GSDME: variants seen among roughly 807,000 people sequenced by gnomAD.
GSDME encodes the protein gasdermin-E.
GSDME carries 44 observed loss-of-function variants against 47.5 expected under a neutral mutation model. That is an observed-to-expected ratio of 0.93 (90% CI 0.73 to 1.19). The LOEUF is 1.19. Among genes scored for constraint, GSDME ranks in the 50% most tolerant of loss-of-function variants. The pLI is 0.00. For synonymous variants in GSDME, 258 were observed against 252.8 expected (o/e 1.02, Z -0.20); for missense variants, 663 against 604.2 (o/e 1.10, Z -1.02).
chr7:24,791,523 C>T, the GSDME span, among the ~76,000 whole-genome samples: 3 of 152,204 alleles, frequency 2.0e-5, no homozygotes, highest in African/African-American at 7.2e-5. This position sits in a 1 kb window ranked among gnomAD's most constrained non-coding sequence, Gnocchi z 4.8. Flanking sequence ...GGCCTAACAA[C>T]TTTTCAAGTG....
the GSDME span, among the ~76,000 whole-genome samples, chr7:24,767,305 CAA>C: frequency 6.6e-6 from 1 of 152,086 alleles, no homozygotes; most frequent in East Asian, 1.9e-4. This position sits in a 1 kb window ranked among gnomAD's most constrained non-coding sequence, Gnocchi z 5.3. Flanking sequence ...GCCTGGGTGA[CAA>C]AGTTAGACTC....
At chr7:24,774,261 CTTCT>C in the GSDME span, among the ~76,000 whole-genome samples, 11 of 35,184 alleles carry the variant, frequency 3.1e-4, no homozygotes, top group African/African-American at 1.6e-3. Context: ...CCCTCCCTCC[CTTCT>C]TCCCTCCCTC....
In GSDME at chr7:24,712,595, G is replaced by C. The variant is rs1391671310; in HGVS notation, c.698-2207C>G. On this transcript the variant is annotated intron_variant, in intron 5 of 9. Transcript: ENST00000645220. The surrounding 1 kb of genome is among the most constrained non-coding windows in gnomAD (Gnocchi z 4.4). ...GACTACAACCAGGCCTTGACGATGA[G>C]TGTGGTAAGAGTGGGGACAGCGGTT... is the stretch of plus-strand genomic sequence containing the variant. Among the ~76,000 whole-genome samples the C allele has an allele frequency of 6.6e-6, 1 of 152,252 alleles. No homozygotes were observed. Among genetic ancestry groups the C allele is most frequent in the South Asian group, 2.1e-4 (1 of 4,836 alleles).
chr7:24,707,502 A>G, intron 7 of GSDME: 1 of 459,392 alleles, frequency 2.2e-6, no homozygotes, highest in Non-Finnish European at 4.6e-6. Context: ...AGATTCCACC[A>G]CACGACCCCC....
In GSDME at chr7:24,714,503, C is replaced by G. The variant is rs183490926; in HGVS notation, c.697+2751G>C. ...ATCACCCAGAACGATGACCTGACCA[C>G]CAAGCCACCATAGGAAGGAGCCACG... On this transcript the variant is annotated intron_variant, in intron 5 of 9. Coordinates refer to ENST00000645220, the MANE Select transcript of GSDME (RefSeq NM_001127453.2). This position sits in a 1 kb window ranked among gnomAD's most constrained non-coding sequence, Gnocchi z 5.0. Among the ~76,000 whole-genome samples the G allele has an allele frequency of 6.6e-6, 1 of 152,154 alleles. No individual in the cohort carries two copies. Among genetic ancestry groups the G allele is most frequent in the African/African-American group, 2.4e-5 (1 of 41,434 alleles).
intron 2 of GSDME, among the ~76,000 whole-genome samples, chr7:24,747,310 C>T (rs1489208259): frequency 1.3e-5 from 2 of 152,148 alleles, no homozygotes; most frequent in African/African-American, 4.8e-5. Flanking sequence ...CTCTGATGAG[C>T]TGACTGGAGA....
chr7:24,753,997 A>G (rs192579628), intron 1 of GSDME, among the ~76,000 whole-genome samples: 65 of 152,358 alleles, frequency 4.3e-4, no homozygotes, highest in African/African-American at 1.5e-3. Context: ...CTAGAACTCA[A>G]GTTGCCCGAC....
chr7:24,710,506 A>G, intron 5 of GSDME, 118 bp from the exon 6 acceptor site: 2 of 949,422 alleles, frequency 2.1e-6, no homozygotes, highest in Admixed American at 3.8e-5. Context: ...AGTGGAGCAG[A>G]AGACCCATCC....
At chr7:24,751,375 C>T (rs1050643203) in intron 1 of GSDME, among the ~76,000 whole-genome samples, 1 of 152,184 alleles carries the variant, frequency 6.6e-6, no homozygotes, top group African/African-American at 2.4e-5. Context: ...TGCTTGCACC[C>T]TGGCGCTTGG....
chr7:24,701,972 C>T (rs1788886882), intron 9 of GSDME, among the ~76,000 whole-genome samples: 1 of 152,202 alleles, frequency 6.6e-6, no homozygotes, highest in Admixed American at 6.5e-5. Context: ...TACCTGCTTC[C>T]CAGATCTGAC....
At position 24,708,658 on chromosome 7, in the gene GSDME, C is replaced by T. The variant is rs190918294; in HGVS notation, c.863-404G>A. ...ACAATGCTTTAGAGCCATACAAATT[C>T]CAAAATACATTATTTTTCACGTCCT... On this transcript the variant is annotated intron_variant, in intron 6 of 9. Transcript: ENST00000645220. 4.1e-3 allele frequency among the ~76,000 whole-genome samples: 626 copies of T among 152,352 alleles called. 4 individuals are homozygous for T. Among genetic ancestry groups the T allele is most frequent in the African/African-American group, 0.014 (581 of 41,584 alleles).
rs1405017711 is a variant in GSDME, at chr7:24,699,077, A to C, written c.1440T>G (p.Leu480=). 5.0e-6 allele frequency: 8 copies of C among 1,614,114 alleles called. No individual in the cohort carries two copies. Among genetic ancestry groups the C allele is most frequent in the Non-Finnish European group, 6.8e-6 (8 of 1,179,992 alleles). The part of the protein sequence containing the change: ...ILKDSKVFPL[L]LCITLNGLCA... The stretch of plus-strand genomic sequence containing the variant: ...AGAGTCCATTCAGGGTTATACAAAG[A>C]AGCAGTGGGAAGACTTTAGAGTCCT... Residue 480 remains leucine, a synonymous_variant, in exon 10 of 10, where the codon CTT becomes CTG. Coordinates refer to ENST00000645220, the MANE Select transcript of GSDME (RefSeq NM_001127453.2).
At chr7:24,706,766 C>T (rs568862961) in intron 7 of GSDME, among the ~76,000 whole-genome samples, 16 of 152,328 alleles carry the variant, frequency 1.1e-4, no homozygotes, top group East Asian at 3.9e-4. Context: ...ACATTCCCAC[C>T]GGGCACTGGG....
At chr7:24,758,335 C>T (rs147401575), upstream of GSDME, among the ~76,000 whole-genome samples, 73 of 152,338 alleles carry the variant, frequency 4.8e-4, no homozygotes, top group East Asian at 0.013. This position sits in a 1 kb window ranked among gnomAD's most constrained non-coding sequence, Gnocchi z 4.6. Flanking sequence ...GCTCCCAGGT[C>T]CAGAAGACAG....
intron 5 of GSDME, 107 bp from the exon 6 acceptor site, chr7:24,710,495 CAGT>C: frequency 9.4e-7 from 1 of 1,062,446 alleles, no homozygotes; most frequent in Non-Finnish European, 1.4e-6. Context: ...AGACGTAACT[CAGT>C]GGAGCAGAAG....
intron 9 of GSDME, 93 bp from the exon 10 acceptor site, chr7:24,699,352 A>G: frequency 3.2e-6 from 3 of 945,548 alleles, no homozygotes; most frequent in South Asian, 2.8e-5. Context: ...CTGGGGGAAA[A>G]AACTTTTTGA....
At chr7:24,788,009 G>GT in the GSDME span, among the ~76,000 whole-genome samples, 1 of 152,142 alleles carries the variant, frequency 6.6e-6, no homozygotes, top group African/African-American at 2.4e-5. This position sits in a 1 kb window ranked among gnomAD's most constrained non-coding sequence, Gnocchi z 4.6. Context: ...TGGCCAAAGA[G>GT]TTTTTTAAAA....
intron 2 of GSDME, among the ~76,000 whole-genome samples, chr7:24,748,692 A>T (rs4722386): frequency 6.6e-6 from 1 of 152,046 alleles, no homozygotes; most frequent in Non-Finnish European, 1.5e-5. Flanking sequence ...TTTCTTTTGC[A>T]CATCTGGACA....
Position 24,742,888 on chromosome 7 carries a change from G to A in GSDME, c.404+1674C>T, listed in dbSNP as rs770001604. ...ACAATTGCAGTTGAGAAGGAAAATGGGACTCTAGCAAAGATAAGCTGTAGA... is the reference window on the plus strand; with the variant it reads ...ACAATTGCAGTTGAGAAGGAAAATGAGACTCTAGCAAAGATAAGCTGTAGA... On this transcript the variant is annotated intron_variant, in intron 3 of 9. Transcript: ENST00000645220. This position sits in a 1 kb window ranked among gnomAD's most constrained non-coding sequence, Gnocchi z 4.4. Among the ~76,000 whole-genome samples the A allele has an allele frequency of 6.6e-6, 1 of 152,112 alleles. No homozygotes were observed. Among genetic ancestry groups the A allele is most frequent in the Admixed American group, 6.5e-5 (1 of 15,272 alleles).
Sources: allele counts gnomAD v4.1 joint callset (sites outside exome capture counted in the v4.1 genomes callset), GRCh38; gene constraint gnomAD v4.1.1; non-coding constraint Gnocchi (gnomAD v3.1); transcripts MANE v1.5; gene names NCBI Gene and HGNC (gene_info 2026-07-23, HGNC 2026-07-21).